Variants in SPIDR observed in about 807,000 individuals in gnomAD.
SPIDR encodes the protein scaffold protein involved in DNA repair.
In SPIDR, 93 loss-of-function variants were observed where a neutral mutation model predicts 104.6. That is an observed-to-expected ratio of 0.89 (90% CI 0.75 to 1.06). SPIDR has a LOEUF of 1.06. SPIDR is among the 50% of genes least tolerant of loss of function. The pLI is 0.00. For missense variants in SPIDR, 1,154 were observed against 1,111.2 expected (o/e 1.04, Z -0.55); for synonymous variants, 431 against 416.9 (o/e 1.03, Z -0.41).
chr8:47,446,899 T>G (rs2070748542), intron 8 of SPIDR, among the ~76,000 whole-genome samples: 1 of 152,204 alleles, frequency 6.6e-6, no homozygotes, highest in Non-Finnish European at 1.5e-5. Context: ...TTCAAGGGTC[T>G]GGGCAAAGTA....
chr8:47,638,183 T>C (rs113732143), intron 10 of SPIDR, among the ~76,000 whole-genome samples: 3 of 152,318 alleles, frequency 2.0e-5, no homozygotes, highest in African/African-American at 7.2e-5. Flanking sequence ...TGTGCTAGGC[T>C]TATCTTGTAT....
chr8:47,541,766 G>A (rs112516763), intron 8 of SPIDR, among the ~76,000 whole-genome samples: 2,738 of 152,012 alleles, frequency 0.018, 85 homozygotes, highest in African/African-American at 0.064. Flanking sequence ...GAGTTTGGTG[G>A]TGCACACCTG....
In SPIDR at chr8:47,735,865, G is replaced by T; in HGVS notation, c.*415G>T. On this transcript the variant is annotated 3_prime_UTR_variant, in exon 20 of 20. Coordinates refer to ENST00000297423, the MANE Select transcript of SPIDR (RefSeq NM_001080394.4). ...AATACCCTGCAAAGTGTAAACCTTTGTCCCATACTGTGATATTACTGTTCT... is the reference window on the plus strand; with the variant it reads ...AATACCCTGCAAAGTGTAAACCTTTTTCCCATACTGTGATATTACTGTTCT... The T allele has an allele frequency of 3.1e-6, 1 of 319,128 alleles. No homozygotes were observed. Among genetic ancestry groups the T allele is most frequent in the South Asian group, 3.0e-5 (1 of 33,482 alleles). The allele number at this position is 319,128 out of a possible 1,614,324, so 19.8% of individuals were successfully genotyped here.
chr8:47,500,347 A>C lies in SPIDR; in HGVS notation c.1097+59805A>C, dbSNP rs2080192812. ...AATTATCACCATTCTAACTGGTGTA[A>C]GATGGTATCTCATTGTGGTTTTGAT... is the stretch of plus-strand genomic sequence containing the variant. On this transcript the variant is annotated intron_variant, in intron 8 of 19. Coordinates refer to ENST00000297423, the MANE Select transcript of SPIDR (RefSeq NM_001080394.4). 2.6e-5 allele frequency among the ~76,000 whole-genome samples: 4 copies of C among 152,304 alleles called. No individual in the cohort carries two copies. The South Asian group carries it at 8.3e-4, about 32-fold the overall frequency.
intron 8 of SPIDR, among the ~76,000 whole-genome samples, chr8:47,562,973 G>A (rs1410819006): frequency 6.6e-6 from 1 of 151,536 alleles, no homozygotes; most frequent in Non-Finnish European, 1.5e-5. Flanking sequence ...ATTTTTTTTG[G>A]CAAATATGCT....
At chr8:47,447,494 G>A (rs1004070927) in intron 8 of SPIDR, among the ~76,000 whole-genome samples, 8 of 152,188 alleles carry the variant, frequency 5.3e-5, no homozygotes, top group African/African-American at 1.7e-4. Flanking sequence ...GACTACAGGC[G>A]TGAGCCACCG....
At chr8:47,316,457 A>G (rs1299570720) in intron 5 of SPIDR, among the ~76,000 whole-genome samples, 1 of 152,226 alleles carries the variant, frequency 6.6e-6, no homozygotes, top group Non-Finnish European at 1.5e-5. Context: ...GACACAGCTC[A>G]TATACCCACC....
chr8:47,663,347 C>G (rs2074407155), intron 10 of SPIDR, among the ~76,000 whole-genome samples: 1 of 152,224 alleles, frequency 6.6e-6, no homozygotes, highest in Non-Finnish European at 1.5e-5. Context: ...ATTGGTCTCT[C>G]TTGCCAAGAA....
At chr8:47,650,319 C>T (rs1263985762) in intron 10 of SPIDR, among the ~76,000 whole-genome samples, 2 of 152,058 alleles carry the variant, frequency 1.3e-5, no homozygotes, top group Non-Finnish European at 2.9e-5. Context: ...AATGACCAAG[C>T]GGGGAATCAA....
chr8:47,636,299 T>C (rs973260308), intron 10 of SPIDR, among the ~76,000 whole-genome samples: 1 of 149,510 alleles, frequency 6.7e-6, no homozygotes, highest in African/African-American at 2.5e-5. Flanking sequence ...GCTCCTCTAC[T>C]AACTGGCTGT....
At chr8:47,622,159 A>G (rs1365480118) in intron 10 of SPIDR, among the ~76,000 whole-genome samples, 1 of 152,208 alleles carries the variant, frequency 6.6e-6, no homozygotes, top group African/African-American at 2.4e-5. Context: ...GAGGCCCAGC[A>G]GAGGAATGGA....
intron 8 of SPIDR, among the ~76,000 whole-genome samples, chr8:47,534,801 T>C (rs761332862): frequency 2.0e-5 from 3 of 151,310 alleles, no homozygotes; most frequent in Non-Finnish European, 4.4e-5. Context: ...AAAGAAAAAT[T>C]AGGCAGAAAT....
At chr8:47,570,875 A>T (rs1244922763) in intron 8 of SPIDR, among the ~76,000 whole-genome samples, 1 of 152,036 alleles carries the variant, frequency 6.6e-6, no homozygotes, top group Non-Finnish European at 1.5e-5. Flanking sequence ...GGCGGATCAC[A>T]AGGTCAGGAG....
intron 10 of SPIDR, among the ~76,000 whole-genome samples, chr8:47,672,156 T>C (rs568626184): frequency 6.6e-6 from 1 of 152,340 alleles, no homozygotes; most frequent in East Asian, 1.9e-4. Context: ...AGACAAGATC[T>C]CAATACATTG....
intron 1 of SPIDR, among the ~76,000 whole-genome samples, chr8:47,261,282 CG>C (rs910092643): frequency 1.3e-5 from 2 of 152,218 alleles, no homozygotes; most frequent in African/African-American, 4.8e-5. Context: ...ATGTCCGCCT[CG>C]GGGGTACTTG....
At chr8:47,463,659 A>G (rs782231312) in intron 8 of SPIDR, among the ~76,000 whole-genome samples, 103 of 152,342 alleles carry the variant, frequency 6.8e-4, no homozygotes, top group Non-Finnish European at 1.0e-3. Context: ...AGCAGATTAA[A>G]AGAGTTATAC....
Position 47,735,470 on chromosome 8 carries a change from G to C in SPIDR, c.*20G>C. ...CACTAGCGGTTGCCGCAGGATCTGT[G>C]AACTTTGCAATGTGGCTGCAAGGGT... On this transcript the variant is annotated 3_prime_UTR_variant, in exon 20 of 20. Coordinates refer to ENST00000297423, the MANE Select transcript of SPIDR (RefSeq NM_001080394.4). 1.9e-6 allele frequency: 3 copies of C among 1,614,088 alleles called. No individual in the cohort carries two copies. Among genetic ancestry groups the C allele is most frequent in the Non-Finnish European group, 2.5e-6 (3 of 1,180,036 alleles).
intron 8 of SPIDR, among the ~76,000 whole-genome samples, chr8:47,497,542 T>A (rs2079633536): frequency 6.6e-6 from 1 of 152,232 alleles, no homozygotes. Context: ...ATTTCAAATT[T>A]CATTTCGCCG....
At chr8:47,733,457 A>G (rs2085604844) in intron 19 of SPIDR, among the ~76,000 whole-genome samples, 2 of 152,216 alleles carry the variant, frequency 1.3e-5, no homozygotes, top group African/African-American at 4.8e-5. Flanking sequence ...TTTACAAATA[A>G]ATGATTTTTT....
Sources: allele counts gnomAD v4.1 joint callset (sites outside exome capture counted in the v4.1 genomes callset), GRCh38; gene constraint gnomAD v4.1.1; transcripts MANE v1.5; gene names NCBI Gene and HGNC (gene_info 2026-07-23, HGNC 2026-07-21).